The following CC2D2A variants were observed in gnomAD, a reference collection of about 807,000 sequenced individuals.
CC2D2A encodes coiled-coil and C2 domain containing 2A.
Under a neutral mutation model 212.9 loss-of-function variants are expected in CC2D2A, and 155 were observed. The observed-to-expected ratio is 0.73, with a 90% CI of 0.64 to 0.83. The LOEUF (loss-of-function observed/expected upper bound fraction) is 0.83, where lower values mean the gene tolerates loss of function less well. CC2D2A is among the 40% of genes least tolerant of loss of function. The pLI is 0.00. For missense variants in CC2D2A, 1,856 were observed against 1,956.2 expected, an observed-to-expected ratio of 0.95 and a Z score of 0.97; for synonymous variants, 667 against 686.5, an observed-to-expected ratio of 0.97 and a Z score of 0.44.
intron 30 of CC2D2A, among the ~76,000 whole-genome samples, chr4:15,580,494 C>G (rs1183588858): frequency 6.6e-6 from 1 of 151,940 alleles, no homozygotes; most frequent in Non-Finnish European, 1.5e-5. Context: ...AAAAATTAGC[C>G]TGGTGTGGTG....
intron 8 of CC2D2A, among the ~76,000 whole-genome samples, chr4:15,512,874 C>T (rs1353200626): frequency 6.6e-6 from 1 of 151,254 alleles, no homozygotes; most frequent in Non-Finnish European, 1.5e-5. Flanking sequence ...ATTACTTGAA[C>T]ACGAGAGGCA....
At chr4:15,528,754 CT>C (rs759055332) in intron 13 of CC2D2A, 28 bp downstream of exon 13, 144 of 1,510,254 alleles carry the variant, frequency 9.5e-5, no homozygotes, top group South Asian at 1.9e-4. Context: ...AGTGTAACTA[CT>C]TTTTTTCCCG....
chr4:15,522,268 G>A (rs796235642), intron 11 of CC2D2A, among the ~76,000 whole-genome samples: 27 of 152,282 alleles, frequency 1.8e-4, no homozygotes, highest in African/African-American at 5.8e-4. Context: ...ACAAAAGTTG[G>A]CATTTCCTTG....
chr4:15,588,021 G>A (rs1222349353), intron 32 of CC2D2A, 92 bp downstream of exon 32: 8 of 660,884 alleles, frequency 1.2e-5, no homozygotes, highest in East Asian at 8.4e-5. Flanking sequence ...TTTTCATAAC[G>A]ATCCTTTGGG....
At chr4:15,544,316 A>G (rs945102281) in intron 17 of CC2D2A, among the ~76,000 whole-genome samples, 4 of 152,174 alleles carry the variant, frequency 2.6e-5, no homozygotes, top group African/African-American at 9.7e-5. Context: ...GCAGGCATCA[A>G]TAGTGAAGAG....
At chr4:15,510,679 T>G (rs1716521319) in intron 7 of CC2D2A, among the ~76,000 whole-genome samples, 2 of 152,130 alleles carry the variant, frequency 1.3e-5, no homozygotes, top group Non-Finnish European at 2.9e-5. Flanking sequence ...TGAGAAGTGA[T>G]TCCAACTTTC....
intron 17 of CC2D2A, among the ~76,000 whole-genome samples, chr4:15,547,121 A>C (rs1718752882): frequency 6.6e-6 from 1 of 152,226 alleles, no homozygotes; most frequent in Non-Finnish European, 1.5e-5. Context: ...TGGGAAAAAC[A>C]AAACTTGTGA....
At chr4:15,529,268 A>G (rs972828968) in intron 13 of CC2D2A, among the ~76,000 whole-genome samples, 13 of 152,112 alleles carry the variant, frequency 8.5e-5, no homozygotes, top group African/African-American at 2.7e-4. Flanking sequence ...TGTAGTCCCA[A>G]CTACTCGGAA....
At chr4:15,584,260 C>T (rs1193133000) in intron 30 of CC2D2A, among the ~76,000 whole-genome samples, 1 of 152,122 alleles carries the variant, frequency 6.6e-6, no homozygotes, top group Non-Finnish European at 1.5e-5. Flanking sequence ...TCAAAATATA[C>T]TACTGTAGTA....
Position 15,504,449 on chromosome 4 carries a change from A to G in CC2D2A, c.438+1526A>G, listed in dbSNP as rs1364981531. On this transcript the variant is annotated intron_variant, in intron 6 of 36. Coordinates refer to ENST00000424120, the MANE Select transcript of CC2D2A (RefSeq NM_001378615.1). The stretch of plus-strand genomic sequence containing the variant: ...AAGAACTTTGGTTATTTTGGCGGGC[A>G]TATGAGGCTAAGCATCTGGTCATGT... Among the ~76,000 whole-genome samples, 3 of 152,210 alleles carry G rather than the reference A, an allele frequency of 2.0e-5. No homozygotes were observed. In the East Asian group the frequency reaches 5.8e-4, roughly 29 times the overall value.
In CC2D2A at chr4:15,565,219, T is replaced by C. The variant is rs1377472846; in HGVS notation, c.3182+1697T>C. 2.6e-5 allele frequency among the ~76,000 whole-genome samples: 4 copies of C among 152,184 alleles called. No homozygotes were observed. The East Asian group carries it at 5.8e-4, about 22-fold the overall frequency. On this transcript the variant is annotated intron_variant, in intron 24 of 36. Coordinates refer to ENST00000424120, the MANE Select transcript of CC2D2A (RefSeq NM_001378615.1). ...AAGAACATATAGGTGCTTCTTGTAG[T>C]TTTCACCTCCATAGACTATTTTTAA...
At chr4:15,570,557 T>C in intron 28 of CC2D2A, 61 bp downstream of exon 28, 1 of 1,243,946 alleles carries the variant, frequency 8.0e-7, no homozygotes, top group East Asian at 2.5e-5. Flanking sequence ...TTTTTCCTAT[T>C]AAAACGTTCT....
chr4:15,572,167 C>T (rs764889625), intron 28 of CC2D2A, among the ~76,000 whole-genome samples: 12 of 151,964 alleles, frequency 7.9e-5, no homozygotes, highest in Non-Finnish European at 1.0e-4. Flanking sequence ...ATGTTATTGC[C>T]GGGTAGTTTA....
At chr4:15,572,845 G>A (rs1720229498) in intron 28 of CC2D2A, among the ~76,000 whole-genome samples, 1 of 152,054 alleles carries the variant, frequency 6.6e-6, no homozygotes, top group South Asian at 2.1e-4. Flanking sequence ...CTTCAGTCTG[G>A]GCTGAAGGCC....
At position 15,527,658 on chromosome 4, in the gene CC2D2A, T is replaced by C; in HGVS notation, c.1359+2T>C. 1.9e-6 allele frequency: 3 copies of C among 1,592,430 alleles called. No homozygotes were observed. Among genetic ancestry groups the C allele is most frequent in the Non-Finnish European group, 2.6e-6 (3 of 1,167,188 alleles). Reference sequence around the variant, plus strand: ...AAGGCGAAATTTCTTACTGATAAGGTACATGTGATTTCTTCCATAATGATT... The same window carrying C: ...AAGGCGAAATTTCTTACTGATAAGGCACATGTGATTTCTTCCATAATGATT... On this transcript the variant is annotated splice_donor_variant, in intron 12 of 36. Coordinates refer to ENST00000424120, the MANE Select transcript of CC2D2A (RefSeq NM_001378615.1). LOFTEE classifies it high-confidence loss of function.
chr4:15,586,464 A>G (rs1054893337), intron 31 of CC2D2A, among the ~76,000 whole-genome samples: 2 of 152,246 alleles, frequency 1.3e-5, no homozygotes, highest in African/African-American at 2.4e-5. Flanking sequence ...AAAATTTAAA[A>G]GTAACACTTC....
In CC2D2A at chr4:15,512,752, G is replaced by A. The variant is rs770129753; in HGVS notation, c.717+1329G>A. ...GGATCACCTAAGGTCAGGAGTTCAC[G>A]ACCAGGCTTGGCCAACGTGGTGAAA... On this transcript the variant is annotated intron_variant, in intron 8 of 36. Coordinates refer to ENST00000424120, the MANE Select transcript of CC2D2A (RefSeq NM_001378615.1). 1.1e-4 allele frequency among the ~76,000 whole-genome samples: 16 copies of A among 152,118 alleles called. No homozygotes were observed. The East Asian group carries it at 2.3e-3, about 22-fold the overall frequency.
chr4:15,527,770 C>T (rs561380443), intron 12 of CC2D2A, 114 bp downstream of exon 12: 179 of 770,414 alleles, frequency 2.3e-4, no homozygotes, highest in Non-Finnish European at 2.8e-4. Context: ...CATGTTTCCT[C>T]GGTTTAGGAT....
rs768395829 is a variant in CC2D2A, at chr4:15,478,822, A to G, written c.123+16A>G. ...AAAGAAACAGGTAAGAAGTGACAAG[A>G]AACTGTGTCTGCGTATTGTCATTGA... On this transcript the variant is annotated intron_variant, in intron 3 of 36. Coordinates refer to ENST00000424120, the MANE Select transcript of CC2D2A (RefSeq NM_001378615.1). 1.1e-5 allele frequency: 17 copies of G among 1,540,642 alleles called. No individual in the cohort carries two copies. In the South Asian group the frequency reaches 1.8e-4, roughly 16 times the overall value.
Sources: gnomAD v4.1 joint callset for allele counts (sites outside exome capture counted in the v4.1 genomes callset) on GRCh38, gnomAD v4.1.1 for gene constraint, MANE v1.5 for transcripts, NCBI Gene and HGNC (gene_info 2026-07-23, HGNC 2026-07-21) for gene names.